Variants in OSBPL7 observed in about 807,000 individuals in gnomAD.
OSBPL7 encodes oxysterol-binding protein-related protein 7.
OSBPL7 carries 66 observed loss-of-function variants against 115.8 expected under a neutral mutation model. That is an observed-to-expected ratio of 0.57 (90% CI 0.47 to 0.70). The LOEUF (loss-of-function observed/expected upper bound fraction) is 0.70. Among genes scored for constraint, OSBPL7 ranks in the 30% least tolerant of loss-of-function variants. The pLI is 0.00. For synonymous variants in OSBPL7, 441 were observed against 439.2 expected (o/e 1.00, Z -0.05); for missense variants, 902 against 1,125.5 (o/e 0.80, Z 2.84).
intron 18 of OSBPL7, 148 bp from the exon 19 acceptor site, chr17:47,809,626 T>C (rs2032973245): frequency 5.7e-6 from 5 of 880,026 alleles, no homozygotes; most frequent in African/African-American, 1.7e-5. Context: ...GGATGACTTA[T>C]ATTCACAAGG....
chr17:47,809,962 G>T (rs2032990003), intron 18 of OSBPL7, among the ~76,000 whole-genome samples: 1 of 145,228 alleles, frequency 6.9e-6, no homozygotes. Flanking sequence ...CAGGCAGGCT[G>T]GAGTGCAGTG....
At chr17:47,819,549 C>T (rs2033332328) in intron 4 of OSBPL7, 180 bp downstream of exon 4, 1 of 705,688 alleles carries the variant, frequency 1.4e-6, no homozygotes, top group South Asian at 1.7e-5. Flanking sequence ...GGATGGTGCT[C>T]TCCCATTAGA....
In OSBPL7 at chr17:47,810,617, T is replaced by G. The variant is rs1425379984; in HGVS notation, c.1857A>C (p.Gly619=). ...ACCTGGGCAGGCTGACGTTGACTGT[T>G]CCCACAGGCACAATCTCCAGGGATT... ...WGKSLEIVPV[G]TVNVSLPRFG... The change falls in exon 18 of 23, where the codon GGA becomes GGC. Residue 619 remains glycine (G), a synonymous_variant. Transcript: ENST00000007414. 5.4e-5 allele frequency: 87 copies of G among 1,614,166 alleles called. No individual in the cohort carries two copies. Among genetic ancestry groups the G allele is most frequent in the Non-Finnish European group, 7.1e-5 (84 of 1,180,012 alleles).
chr17:47,816,658 CGA>C lies in OSBPL7; in HGVS notation c.831_832del (p.Arg278LeufsTer66). 1 of 1,614,014 alleles carries C rather than the reference CGA, an allele frequency of 6.2e-7. No homozygotes were observed. The highest frequency in any genetic ancestry group is 8.5e-7 in the Non-Finnish European group (1 of 1,180,016). ...CGAGGAGTCCCGAGACTCCAGGTAG[CGA>C]GACAGGTTGGGAACAGAGCCATGGA... On this transcript the variant is annotated frameshift_variant, in exon 10 of 23. Coordinates refer to ENST00000007414, the MANE Select transcript of OSBPL7 (RefSeq NM_145798.3). LOFTEE classifies it high-confidence loss of function. The surrounding 1 kb of genome is among the most constrained non-coding windows in gnomAD (Gnocchi z 5.8).
chr17:47,810,754 C>T lies in OSBPL7; in HGVS notation c.1801+18G>A. ...CCCTTTGCCCAGGGCCACCCCGGCC[C>T]TGCCCTCTACTCCTCACCTTGCCAG... On this transcript the variant is annotated intron_variant, in intron 17 of 22. Coordinates refer to ENST00000007414, the MANE Select transcript of OSBPL7 (RefSeq NM_145798.3). The T allele has an allele frequency of 6.2e-7, 1 of 1,613,998 alleles. No individual in the cohort carries two copies. Among genetic ancestry groups the T allele is most frequent in the Non-Finnish European group, 8.5e-7 (1 of 1,179,922 alleles).
intron 16 of OSBPL7, among the ~76,000 whole-genome samples, chr17:47,813,037 A>G (rs1248155443): frequency 6.6e-6 from 1 of 152,072 alleles, no homozygotes; most frequent in East Asian, 1.9e-4. Flanking sequence ...CCTTCAGTTC[A>G]TCCTAGCCCA....
Position 47,816,252 on chromosome 17 carries a change from C to T in OSBPL7, c.1024-50G>A. 6.6e-7 allele frequency: 1 copy of T among 1,511,050 alleles called. No homozygotes were observed. The highest frequency in any genetic ancestry group is 9.0e-7 in the Non-Finnish European group (1 of 1,115,094). 93.6% of individuals were successfully genotyped at this position (1,511,050 alleles called of 1,614,324 possible). ...GGTGCCAGGAGGATGAGGTCCTCCCCACCTTGCCGCATCTCTGCAGAGACT... is the reference window on the plus strand; with the variant it reads ...GGTGCCAGGAGGATGAGGTCCTCCCTACCTTGCCGCATCTCTGCAGAGACT... On this transcript the variant is annotated intron_variant, in intron 11 of 22. Transcript: ENST00000007414. This position sits in a 1 kb window ranked among gnomAD's most constrained non-coding sequence, Gnocchi z 5.8.
In OSBPL7 at chr17:47,808,476, A is replaced by T. The variant is rs1447264667; in HGVS notation, c.2420+62T>A. The T allele has an allele frequency of 6.2e-7, 1 of 1,613,756 alleles. No individual in the cohort carries two copies. Among genetic ancestry groups the T allele is most frequent in the East Asian group, 2.2e-5 (1 of 44,884 alleles). ...AGGGTCCTAAGGTGCTGCCTCCCAC[A>T]CCTGCCCTGCTCCAAGCAGGGCTCA... On this transcript the variant is annotated intron_variant, in intron 22 of 22. Coordinates refer to ENST00000007414, the MANE Select transcript of OSBPL7 (RefSeq NM_145798.3). This position sits in a 1 kb window ranked among gnomAD's most constrained non-coding sequence, Gnocchi z 6.1.
intron 3 of OSBPL7, 39 bp from the exon 4 acceptor site, chr17:47,819,821 G>A (rs768458506): frequency 1.5e-5 from 24 of 1,613,340 alleles, no homozygotes; most frequent in Admixed American, 5.0e-5. Context: ...CCGGGAGGCC[G>A]AGAGGAAGGG....
chr17:47,816,705 A>G lies in OSBPL7; in HGVS notation c.796-10T>C. Reference sequence around the variant, plus strand: ...CATGGAGACGACCAACCTGTAGGTGAAGGGGAAGGGCTGAAGGGGCCGGCC... The same window carrying G: ...CATGGAGACGACCAACCTGTAGGTGGAGGGGAAGGGCTGAAGGGGCCGGCC... On this transcript the variant is annotated splice_polypyrimidine_tract_variant and intron_variant, in intron 9 of 22. Coordinates refer to ENST00000007414, the MANE Select transcript of OSBPL7 (RefSeq NM_145798.3). This position sits in a 1 kb window ranked among gnomAD's most constrained non-coding sequence, Gnocchi z 5.8. The G allele has an allele frequency of 1.9e-6, 3 of 1,614,066 alleles. No homozygotes were observed. In the East Asian group the frequency reaches 6.7e-5, roughly 36 times the overall value.
rs947421484 is a variant in OSBPL7 at position 47,820,437 on chromosome 17, C to A, written c.-87-72G>T. 7.9e-5 allele frequency: 52 copies of A among 659,166 alleles called. No homozygotes were observed. The South Asian group carries it at 9.1e-4, about 11-fold the overall frequency. 40.8% of individuals were successfully genotyped at this position (659,166 alleles called of 1,614,324 possible). On this transcript the variant is annotated intron_variant, in intron 1 of 22. Coordinates refer to ENST00000007414, the MANE Select transcript of OSBPL7 (RefSeq NM_145798.3). ...TTCCCCACCTCCAGCCCCTCCCACA[C>A]CCTCTGAGATAAGGGCTCCCCAACA...
intron 1 of OSBPL7, chr17:47,820,799 C>T (rs1048755071): frequency 1.3e-5 from 2 of 152,590 alleles, no homozygotes; most frequent in African/African-American, 4.8e-5. Context: ...AGGACCCCTC[C>T]ACCCTGCCAC....
chr17:47,815,458 C>A, intron 12 of OSBPL7, 106 bp from the exon 13 acceptor site: 1 of 1,467,254 alleles, frequency 6.8e-7, no homozygotes. Flanking sequence ...CATAACCGGG[C>A]ACTTTTGCTG....
rs545253039 is a variant in OSBPL7, at chr17:47,808,561, G to A, written c.2397C>T (p.Ile799=). The part of the protein sequence containing the change: ...DRRKVMEENN[I]VHQARFFRRQ... Reference sequence around the variant, plus strand: ...ACCTGAAGAAGCGAGCCTGGTGTACGATGTTGTTTTCCTCCATGACTTTGC... The same window carrying A: ...ACCTGAAGAAGCGAGCCTGGTGTACAATGTTGTTTTCCTCCATGACTTTGC... Residue 799 remains isoleucine (I), a synonymous_variant, in exon 22 of 23, where the codon ATC becomes ATT. Transcript: ENST00000007414. This position sits in a 1 kb window ranked among gnomAD's most constrained non-coding sequence, Gnocchi z 6.1. 19 of 1,614,220 alleles carry A rather than the reference G, an allele frequency of 1.2e-5. No individual in the cohort carries two copies. Among genetic ancestry groups the A allele is most frequent in the Middle Eastern group, 1.6e-4 (1 of 6,062 alleles).
chr17:47,809,742 CT>C (rs2032977300), intron 18 of OSBPL7, among the ~76,000 whole-genome samples: 1 of 152,316 alleles, frequency 6.6e-6, no homozygotes, highest in African/African-American at 2.4e-5. Context: ...TGTCCTGCCC[CT>C]GGGCACCAGG....
At position 47,816,148 on chromosome 17, in the gene OSBPL7, CGGA is replaced by C. The variant is rs1567942993; in HGVS notation, c.1075_1077del (p.Ser359del). ...GAGCTGAAAGAGTCCGCCGTGGTGT[CGGA>C]GGAGGTGGACAGTGAGTGGAGGCGC... On this transcript the variant is annotated inframe_deletion, in exon 12 of 23. Transcript: ENST00000007414. The surrounding 1 kb of genome is among the most constrained non-coding windows in gnomAD (Gnocchi z 5.8). 6.4e-7 allele frequency: 1 copy of C among 1,551,134 alleles called. No homozygotes were observed. The highest frequency in any genetic ancestry group is 2.4e-5 in the East Asian group (1 of 40,926).
chr17:47,818,865 CT>C, intron 5 of OSBPL7, 120 bp downstream of exon 5: 1 of 945,816 alleles, frequency 1.1e-6, no homozygotes. Flanking sequence ...TGGAAACTTA[CT>C]TTTTGTCAAA....
At position 47,816,979 on chromosome 17, in the gene OSBPL7, G is replaced by T; in HGVS notation, c.703-107C>A. 2.4e-5 allele frequency: 27 copies of T among 1,102,102 alleles called. No individual in the cohort carries two copies. The South Asian group carries it at 3.3e-4, about 14-fold the overall frequency. 68.3% of individuals were successfully genotyped at this position (1,102,102 alleles called of 1,614,324 possible). A position where few individuals can be genotyped will look rare whatever the true frequency, so the allele number is the denominator to read the frequency against. ...GGCCTCCTGCGCCATGGAGGAGGGC[G>T]CAGATTACCCAGCACAGAGGATGCG... On this transcript the variant is annotated intron_variant, in intron 8 of 22. Transcript: ENST00000007414. The surrounding 1 kb of genome is among the most constrained non-coding windows in gnomAD (Gnocchi z 5.8).
chr17:47,816,446 G>A lies in OSBPL7; in HGVS notation c.965C>T (p.Thr322Ile). ...GTCCCTCAGTTGGTCCCGTTCCATG[G>A]TGAGGGCGGCCAGGACGCTGCTGAG... The part of the protein sequence containing the change: ...SSLSSVLAAL[T>I]MERDQLRDMH... Residue 322 changes from threonine to isoleucine, a missense_variant, in exon 11 of 23, where the codon ACC becomes ATC. Around this residue, in one of 3 missense-constraint regions of OSBPL7, gnomAD observed 667 missense variants for 788.7 expected, o/e 0.85. Transcript: ENST00000007414. The surrounding 1 kb of genome is among the most constrained non-coding windows in gnomAD (Gnocchi z 5.8). 6.5e-7 allele frequency: 1 copy of A among 1,547,574 alleles called. No homozygotes were observed. The highest frequency in any genetic ancestry group is 8.7e-7 in the Non-Finnish European group (1 of 1,145,052).
Sources: gnomAD v4.1 joint callset for allele counts (sites outside exome capture counted in the v4.1 genomes callset) on GRCh38, gnomAD v4.1.1 for gene constraint, gnomAD v4.1.1 regional missense constraint, Gnocchi (gnomAD v3.1) non-coding constraint, MANE v1.5 for transcripts, NCBI Gene and HGNC (gene_info 2026-07-23, HGNC 2026-07-21) for gene names.